The following COL4A1 variants were observed in gnomAD, a reference collection of about 807,000 sequenced individuals.
The protein encoded by COL4A1 is collagen alpha-1(IV) chain.
A neutral mutation model predicts 216.6 loss-of-function variants in COL4A1; 40 were observed. The ratio of observed to expected loss-of-function variants is 0.18; its 90% CI spans 0.14 to 0.24. COL4A1 has a LOEUF of 0.24. Ranked by LOEUF, COL4A1 falls within the 10% of genes least tolerant of loss-of-function variation. The pLI is 1.00. For synonymous variants in COL4A1, 839 were observed against 810.7 expected, an observed-to-expected ratio of 1.03 and a Z score of -0.59; for missense variants, 1,628 against 2,196.8, an observed-to-expected ratio of 0.74 and a Z score of 5.18.
intron 22 of COL4A1, 72 bp downstream of exon 22, chr13:110,194,951 G>A (rs533730281): frequency 8.7e-6 from 12 of 1,376,192 alleles, no homozygotes; most frequent in Non-Finnish European, 1.2e-5. Flanking sequence ...TGGCTCCAAA[G>A]CCGGTAAGTA....
intron 41 of COL4A1, among the ~76,000 whole-genome samples, chr13:110,171,237 T>C (rs535371936): frequency 1.3e-5 from 2 of 152,326 alleles, no homozygotes; most frequent in South Asian, 4.1e-4. Context: ...TATGGTTTTA[T>C]TTTTGTAAAC....
rs1286020671 is a variant in COL4A1, at chr13:110,170,531, G to A, written c.3742+16C>T. 1 of 1,587,340 alleles carries A rather than the reference G, an allele frequency of 6.3e-7. No individual in the cohort carries two copies. The highest frequency in any genetic ancestry group is 8.6e-7 in the Non-Finnish European group (1 of 1,166,226). On this transcript the variant is annotated intron_variant, in intron 42 of 51. Coordinates refer to ENST00000375820, the MANE Select transcript of COL4A1 (RefSeq NM_001845.6). ...GTCCCAGTCCTCAGCCCTGGCCCCT[G>A]GCGAGATGCCCTTACCTGGCAGGCC...
At chr13:110,196,045 G>A (rs1031358737) in intron 21 of COL4A1, among the ~76,000 whole-genome samples, 2 of 152,180 alleles carry the variant, frequency 1.3e-5, no homozygotes, top group Non-Finnish European at 2.9e-5. Flanking sequence ...TCTCCAGCTC[G>A]CCCACCCCAG....
At chr13:110,297,754 G>C (rs1884331763) in intron 1 of COL4A1, among the ~76,000 whole-genome samples, 1 of 152,160 alleles carries the variant, frequency 6.6e-6, no homozygotes, top group Non-Finnish European at 1.5e-5. Flanking sequence ...CGAATGCAAA[G>C]TATAAGAACA....
chr13:110,209,013 C>T (rs1435135845), intron 11 of COL4A1, 123 bp from the exon 12 acceptor site: 1 of 1,044,114 alleles, frequency 9.6e-7, no homozygotes. Context: ...TCCCATAACT[C>T]TCATAAAATT....
intron 1 of COL4A1, among the ~76,000 whole-genome samples, chr13:110,261,029 T>C (rs1470871966): frequency 1.9e-4 from 2 of 10,378 alleles, no homozygotes; most frequent in African/African-American, 1.2e-3. Context: ...AGAGCGAGAC[T>C]CCGTCTCAAA....
chr13:110,177,723 T>G (rs1403253897), intron 33 of COL4A1, 119 bp downstream of exon 33: 1 of 1,033,290 alleles, frequency 9.7e-7, no homozygotes, highest in Non-Finnish European at 1.5e-6. Flanking sequence ...TGCTTGATGT[T>G]CCTAACTTCT....
intron 1 of COL4A1, among the ~76,000 whole-genome samples, chr13:110,276,896 A>G (rs1883452605): frequency 6.6e-6 from 1 of 152,212 alleles, no homozygotes; most frequent in South Asian, 2.1e-4. Flanking sequence ...GGCCTGCACC[A>G]TATTCTAGAA....
intron 1 of COL4A1, among the ~76,000 whole-genome samples, chr13:110,252,656 TATATGTATATATACATATA>T (rs1483250009): frequency 2.0e-4 from 28 of 140,870 alleles, no homozygotes; most frequent in South Asian, 1.5e-3. Context: ...ACAAAATGTA[TATATGTATATATACATATA>T]ATATGTATAT....
At chr13:110,204,922 C>T (rs142839810) in intron 17 of COL4A1, among the ~76,000 whole-genome samples, 63 of 152,280 alleles carry the variant, frequency 4.1e-4, no homozygotes, top group Admixed American at 7.8e-4. Flanking sequence ...TGAAATAGAT[C>T]CTCCTTCTAT....
intron 1 of COL4A1, among the ~76,000 whole-genome samples, chr13:110,262,278 G>T (rs551707027): frequency 6.6e-6 from 1 of 152,084 alleles, no homozygotes; most frequent in Non-Finnish European, 1.5e-5. Flanking sequence ...GCCAGCAAGT[G>T]GGGGGCTGAG....
intron 39 of COL4A1, 117 bp downstream of exon 39, chr13:110,174,329 G>T: frequency 1.8e-6 from 2 of 1,112,788 alleles, no homozygotes; most frequent in Non-Finnish European, 2.7e-6. Flanking sequence ...CTGAAGATGG[G>T]AGACAGGACA....
At chr13:110,227,387 G>GACAC (rs373355054) in intron 2 of COL4A1, among the ~76,000 whole-genome samples, 5,960 of 138,690 alleles carry the variant, frequency 0.043, 177 homozygotes, top group Admixed American at 0.074. Context: ...GGGTACGGTA[G>GACAC]ACACACACAC....
At chr13:110,201,316 A>AG (rs1248701919) in intron 19 of COL4A1, 122 bp downstream of exon 19, 2 of 554,542 alleles carry the variant, frequency 3.6e-6, no homozygotes, top group Admixed American at 2.6e-5. Flanking sequence ...GAAGAGAAGG[A>AG]GGGGGAGGAG....
intron 1 of COL4A1, among the ~76,000 whole-genome samples, chr13:110,260,627 A>G (rs187765701): frequency 6.6e-6 from 1 of 152,188 alleles, no homozygotes; most frequent in East Asian, 1.9e-4. Flanking sequence ...ATACAGTATG[A>G]CATTTTTTTT....
intron 2 of COL4A1, among the ~76,000 whole-genome samples, chr13:110,227,924 C>T (rs1383341282): frequency 6.6e-6 from 1 of 152,214 alleles, no homozygotes; most frequent in Non-Finnish European, 1.5e-5. Flanking sequence ...AGGAGCTGAT[C>T]CCAGAGCCCT....
intron 2 of COL4A1, among the ~76,000 whole-genome samples, chr13:110,222,600 C>T (rs1414519264): frequency 6.9e-6 from 1 of 144,106 alleles, no homozygotes; most frequent in African/African-American, 2.5e-5. Flanking sequence ...GGTGAAACCC[C>T]GTCTCTACTA....
At chr13:110,180,334 C>A (rs1260703448) in intron 29 of COL4A1, among the ~76,000 whole-genome samples, 2 of 152,196 alleles carry the variant, frequency 1.3e-5, no homozygotes, top group Non-Finnish European at 2.9e-5. Flanking sequence ...AAGCTGGTGG[C>A]GGGTTGTACA....
chr13:110,228,038 G>C (rs1359220009), intron 2 of COL4A1, among the ~76,000 whole-genome samples: 3 of 152,198 alleles, frequency 2.0e-5, no homozygotes, highest in Non-Finnish European at 4.4e-5. Flanking sequence ...CGCTGGGCAA[G>C]AGGTGCCCGG....
Sources: allele counts gnomAD v4.1 joint callset (sites outside exome capture counted in the v4.1 genomes callset), GRCh38; gene constraint gnomAD v4.1.1; transcripts MANE v1.5; gene names NCBI Gene and HGNC (gene_info 2026-07-23, HGNC 2026-07-21).